The following MEF2C variants were observed in gnomAD, a reference collection of about 807,000 sequenced individuals.
MEF2C encodes myocyte enhancer factor 2C.
MEF2C carries 6 observed loss-of-function variants against 50.5 expected under a neutral mutation model. The ratio of observed to expected loss-of-function variants is 0.12; its 90% CI spans 0.07 to 0.23. MEF2C has a LOEUF of 0.23. MEF2C is among the 10% of genes least tolerant of loss of function. MEF2C has a pLI of 1.00. For missense variants in MEF2C, 276 were observed against 605.0 expected (o/e 0.46, Z 5.70); for synonymous variants, 183 against 228.0 (o/e 0.80, Z 1.78).
intron 3 of MEF2C, among the ~76,000 whole-genome samples, chr5:88,779,774 T>TA (rs1554126979): frequency 2.0e-5 from 3 of 151,656 alleles, no homozygotes; most frequent in African/African-American, 7.3e-5. Flanking sequence ...TTTTTTTTTT[T>TA]ATGTTACAAT....
At chr5:88,898,033 C>T (rs927184628) in intron 1 of MEF2C, among the ~76,000 whole-genome samples, 2 of 152,108 alleles carry the variant, frequency 1.3e-5, no homozygotes, top group African/African-American at 4.8e-5. Flanking sequence ...GCATGCTACT[C>T]TCTTAAGGTG....
chr5:88,841,253 C>A (rs1817240679), intron 1 of MEF2C, among the ~76,000 whole-genome samples: 1 of 152,072 alleles, frequency 6.6e-6, no homozygotes, highest in Admixed American at 6.6e-5. Context: ...CTCACACCTG[C>A]ACTCCCTGAA....
At chr5:88,788,367 A>ATT (rs1159271041) in intron 3 of MEF2C, among the ~76,000 whole-genome samples, 1 of 142,804 alleles carries the variant, frequency 7.0e-6, no homozygotes, top group Non-Finnish European at 1.5e-5. Context: ...CGCCTGGCTA[A>ATT]TTTTTTTTTT....
At chr5:88,847,245 T>A (rs968207472) in intron 1 of MEF2C, among the ~76,000 whole-genome samples, 1 of 152,172 alleles carries the variant, frequency 6.6e-6, no homozygotes, top group Admixed American at 6.5e-5. Flanking sequence ...GATTAACACA[T>A]CTTCTTTACA....
intron 1 of MEF2C, among the ~76,000 whole-genome samples, chr5:88,848,341 A>G (rs544234887): frequency 3.3e-5 from 5 of 152,326 alleles, no homozygotes; most frequent in African/African-American, 1.2e-4. Context: ...AATGGCTACA[A>G]CTTTCTAGTT....
chr5:88,795,310 CTT>C (rs1354171355), intron 3 of MEF2C, among the ~76,000 whole-genome samples: 1 of 152,104 alleles, frequency 6.6e-6, no homozygotes, highest in Non-Finnish European at 1.5e-5. Flanking sequence ...TGTGTCCTCT[CTT>C]ATTTCTTTGG....
In MEF2C at chr5:88,755,329, C is replaced by A. The variant is rs1774804058; in HGVS notation, c.403-3286G>T. On this transcript the variant is annotated intron_variant, in intron 4 of 10. Transcript: ENST00000504921. ...ACATCCCTTGACCATAGATATAATT[C>A]TTTCCTTTTCAAATTGGTAAGTTAA... Among the ~76,000 whole-genome samples the A allele has an allele frequency of 2.0e-5, 3 of 152,140 alleles. No individual in the cohort carries two copies. In the South Asian group the frequency reaches 6.2e-4, roughly 32 times the overall value.
chr5:88,800,208 G>A (rs1348034662), intron 3 of MEF2C, among the ~76,000 whole-genome samples: 1 of 152,096 alleles, frequency 6.6e-6, no homozygotes, highest in African/African-American at 2.4e-5. Flanking sequence ...AAAACGTGCT[G>A]GATATGGAGG....
In MEF2C at chr5:88,752,496, T is replaced by A. The variant is rs1172219122; in HGVS notation, c.403-453A>T. On this transcript the variant is annotated intron_variant, in intron 4 of 10. Transcript: ENST00000504921. ...GTAGAAGTTTAATGATAGAAAATCA[T>A]CTCCAAGCATGTGCATAGCACATAT... The A allele has an allele frequency of 5.2e-6, 3 of 576,010 alleles. No individual in the cohort carries two copies. In the African/African-American group the frequency reaches 6.0e-5, roughly 12 times the overall value. The allele number at this position is 576,010 out of a possible 1,614,324, so 35.7% of individuals were successfully genotyped here.
intron 3 of MEF2C, among the ~76,000 whole-genome samples, chr5:88,799,672 C>T (rs1167581509): frequency 6.6e-6 from 1 of 152,152 alleles, no homozygotes; most frequent in Non-Finnish European, 1.5e-5. Flanking sequence ...CCAATTTAGG[C>T]CTTAATTATT....
At chr5:88,732,809 A>T (rs1293339090) in intron 6 of MEF2C, among the ~76,000 whole-genome samples, 1 of 152,222 alleles carries the variant, frequency 6.6e-6, no homozygotes, top group African/African-American at 2.4e-5. Context: ...CTGCCTCTGA[A>T]GGGAGAATAA....
rs1305221245 is a variant in MEF2C at position 88,891,320 on chromosome 5, TA to T, written c.-239-3723del. Among the ~76,000 whole-genome samples the T allele has an allele frequency of 2.0e-5, 3 of 150,614 alleles. No individual in the cohort carries two copies. In the East Asian group the frequency reaches 5.8e-4, roughly 29 times the overall value. On this transcript the variant is annotated intron_variant, in intron 1 of 11. Coordinates refer to the MEF2C transcript ENST00000340208. ...AAAGCATAATCTTTCTCAAATTTGA[TA>T]AAGATATCGGAGACATTGATTATGA...
chr5:88,768,662 T>C (rs1781065459), intron 3 of MEF2C: 1 of 984,524 alleles, frequency 1.0e-6, no homozygotes, highest in South Asian at 4.7e-5. Context: ...CAAACTGAAA[T>C]GAATAGATGA....
At chr5:88,746,457 A>C (rs74556300) in intron 6 of MEF2C, 1 of 234,396 alleles carries the variant, frequency 4.3e-6, no homozygotes, top group Non-Finnish European at 5.5e-6. Flanking sequence ...TTTTTTTTTT[A>C]ACAAAGTGAG....
chr5:88,749,179 T>A (rs1426351555), intron 5 of MEF2C, 62 bp from the exon 6 acceptor site: 12 of 1,467,670 alleles, frequency 8.2e-6, no homozygotes, highest in Non-Finnish European at 1.1e-5. Context: ...CAAAACACTT[T>A]ACCTTCAGCA....
chr5:88,877,507 T>A (rs1466654890), intron 1 of MEF2C, among the ~76,000 whole-genome samples: 1 of 152,036 alleles, frequency 6.6e-6, no homozygotes, highest in Non-Finnish European at 1.5e-5. Flanking sequence ...AAATAACCTT[T>A]TCTATAATCT....
chr5:88,786,658 CA>C (rs1791042820), intron 3 of MEF2C, among the ~76,000 whole-genome samples: 1 of 151,954 alleles, frequency 6.6e-6, no homozygotes, highest in Non-Finnish European at 1.5e-5. Flanking sequence ...TAACAGAAAA[CA>C]AAAAATAAAG....
intron 3 of MEF2C, among the ~76,000 whole-genome samples, chr5:88,762,346 T>C (rs606393): frequency 0.48 from 72,704 of 152,062 alleles, 18,671 homozygotes; most frequent in East Asian, 0.59. Flanking sequence ...GGAGTGATCT[T>C]GGCTCACTAC....
At chr5:88,876,091 A>G (rs1428030906) in intron 1 of MEF2C, among the ~76,000 whole-genome samples, 1 of 134,174 alleles carries the variant, frequency 7.5e-6, no homozygotes, top group Non-Finnish European at 1.6e-5. Flanking sequence ...TTTCCTTTTT[A>G]AACTCCTCAA....
Sources: allele counts gnomAD v4.1 joint callset (sites outside exome capture counted in the v4.1 genomes callset), GRCh38; gene constraint gnomAD v4.1.1; transcripts MANE v1.5; gene names NCBI Gene and HGNC (gene_info 2026-07-23, HGNC 2026-07-21).